The following FAM210A variants were observed in gnomAD, a reference collection of about 807,000 sequenced individuals.
FAM210A encodes mitochondrial inner membrane scaffold 1, also known as family with sequence similarity 210 member A.
FAM210A carries 13 observed loss-of-function variants against 25.3 expected under a neutral mutation model. The ratio of observed to expected loss-of-function variants is 0.51; its 90% CI spans 0.33 to 0.82. The LOEUF (loss-of-function observed/expected upper bound fraction) is 0.82, where lower values mean the gene tolerates loss of function less well. FAM210A is among the 40% of genes least tolerant of loss of function. The pLI, the probability that FAM210A is intolerant of heterozygous loss-of-function variation, is 0.02. For missense variants in FAM210A, 319 were observed against 323.2 expected (o/e 0.99, Z 0.10); for synonymous variants, 125 against 118.7 (o/e 1.05, Z -0.35).
At chr18:13,693,926 A>G (rs555250311) in intron 1 of FAM210A, among the ~76,000 whole-genome samples, 1 of 152,304 alleles carries the variant, frequency 6.6e-6, no homozygotes, top group East Asian at 1.9e-4. Flanking sequence ...CAATTAGGAA[A>G]AGAGGAAGTT....
chr18:13,711,087 C>T (rs1010737455), intron 1 of FAM210A, among the ~76,000 whole-genome samples: 2 of 152,066 alleles, frequency 1.3e-5, no homozygotes, highest in Non-Finnish European at 2.9e-5. Context: ...AAACAACAGC[C>T]TTGGCCTGGC....
At chr18:13,721,769 A>C (rs1169835004) in intron 1 of FAM210A, among the ~76,000 whole-genome samples, 2 of 152,154 alleles carry the variant, frequency 1.3e-5, no homozygotes, top group Non-Finnish European at 2.9e-5. Context: ...AACCTCAACA[A>C]GTCCCTACTC....
chr18:13,696,184 C>T (rs896220443), intron 1 of FAM210A, among the ~76,000 whole-genome samples: 6 of 152,022 alleles, frequency 3.9e-5, no homozygotes, highest in Admixed American at 2.0e-4. Context: ...CAATAATATC[C>T]GAATCAAAAT....
At chr18:13,679,451 A>G (rs2043531551) in intron 2 of FAM210A, among the ~76,000 whole-genome samples, 2 of 152,120 alleles carry the variant, frequency 1.3e-5, no homozygotes, top group South Asian at 2.1e-4. Flanking sequence ...TTTTTCTTTC[A>G]TTCATGAATT....
At chr18:13,717,987 G>C (rs8093608) in intron 1 of FAM210A, among the ~76,000 whole-genome samples, 3,075 of 152,198 alleles carry the variant, frequency 0.02, 114 homozygotes, top group African/African-American at 0.07. Context: ...AGAAGACAGC[G>C]CCCTCACTCA....
At chr18:13,672,060 AATTTT>A in intron 2 of FAM210A, 87 bp from the exon 3 acceptor site, 1 of 873,700 alleles carries the variant, frequency 1.1e-6, no homozygotes, top group Non-Finnish European at 1.7e-6. Flanking sequence ...ACCACACTAT[AATTTT>A]ATTAAATTTT....
At chr18:13,723,872 T>C (rs2149073108) in intron 1 of FAM210A, among the ~76,000 whole-genome samples, 1 of 152,356 alleles carries the variant, frequency 6.6e-6, no homozygotes, top group East Asian at 1.9e-4. Context: ...TAGGAACACT[T>C]TCCTGAGTGG....
chr18:13,723,805 G>A (rs952415429), intron 1 of FAM210A, among the ~76,000 whole-genome samples: 31 of 152,134 alleles, frequency 2.0e-4, no homozygotes, highest in Non-Finnish European at 2.9e-5. Context: ...TCAACTGAAG[G>A]AAAAACCTTT....
intron 1 of FAM210A, among the ~76,000 whole-genome samples, chr18:13,717,071 T>C (rs2043866793): frequency 6.6e-6 from 1 of 152,172 alleles, no homozygotes; most frequent in South Asian, 2.1e-4. Flanking sequence ...TTCTGTTACT[T>C]GCAGCTGAAA....
At chr18:13,689,132 G>A (rs1048983438) in intron 1 of FAM210A, among the ~76,000 whole-genome samples, 1 of 152,186 alleles carries the variant, frequency 6.6e-6, no homozygotes, top group Non-Finnish European at 1.5e-5. Flanking sequence ...TCCTTCAGAG[G>A]TTCACCTTAT....
chr18:13,713,527 G>C (rs2043836999), intron 1 of FAM210A, among the ~76,000 whole-genome samples: 1 of 152,010 alleles, frequency 6.6e-6, no homozygotes, highest in Non-Finnish European at 1.5e-5. Context: ...ATTTAAACAT[G>C]TGAATTAACA....
intron 1 of FAM210A, among the ~76,000 whole-genome samples, chr18:13,707,308 CA>C (rs2043786245): frequency 6.6e-6 from 1 of 152,170 alleles, no homozygotes; most frequent in African/African-American, 2.4e-5. Context: ...CACTAGGCCC[CA>C]ACAGACCAAA....
At chr18:13,679,691 C>G (rs1338805744) in intron 2 of FAM210A, among the ~76,000 whole-genome samples, 1 of 152,030 alleles carries the variant, frequency 6.6e-6, no homozygotes, top group African/African-American at 2.4e-5. Context: ...AGCCCCAAAG[C>G]AAGGTGTAAT....
chr18:13,666,707 T>C lies in FAM210A; in HGVS notation c.592A>G (p.Thr198Ala). The change falls in exon 4 of 4, where the codon ACA becomes GCA. Residue 198 changes from threonine (T) to alanine (A), a missense_variant. Physicochemically the swap from Thr to Ala is moderately conservative, Grantham distance 58. Transcript: ENST00000651643. The stretch of plus-strand genomic sequence containing the variant: ...AAAGTCACGGTATACCGAGCAGGTG[T>C]TGCAATCTTAAGCAAAAAGCAAACA... ...LTAYALFKIA[T>A]PARYTVTLGG... The C allele has an allele frequency of 6.2e-7, 1 of 1,611,404 alleles. No individual in the cohort carries two copies. Among genetic ancestry groups the C allele is most frequent in the Non-Finnish European group, 8.5e-7 (1 of 1,178,066 alleles).
chr18:13,700,795 T>G (rs969503136), intron 1 of FAM210A, among the ~76,000 whole-genome samples: 1 of 152,206 alleles, frequency 6.6e-6, no homozygotes, highest in Non-Finnish European at 1.5e-5. Flanking sequence ...CTTAGGAGTA[T>G]GCACCTGTAC....
chr18:13,714,825 G>C (rs2043847577), intron 1 of FAM210A, among the ~76,000 whole-genome samples: 2 of 152,004 alleles, frequency 1.3e-5, no homozygotes, highest in South Asian at 4.1e-4. Context: ...CATTATCTTG[G>C]GGGATTTAAC....
At chr18:13,689,943 C>T (rs140692110) in intron 1 of FAM210A, among the ~76,000 whole-genome samples, 8 of 152,194 alleles carry the variant, frequency 5.3e-5, no homozygotes, top group East Asian at 3.9e-4. Flanking sequence ...GTGCAGCCCA[C>T]GGAACAGGGC....
intron 1 of FAM210A, among the ~76,000 whole-genome samples, chr18:13,720,319 G>A (rs2043888955): frequency 1.3e-5 from 2 of 152,146 alleles, no homozygotes; most frequent in South Asian, 4.1e-4. Flanking sequence ...ACAGCAGCCT[G>A]TACCTGTTGT....
chr18:13,694,513 AC>A (rs1241072114), intron 1 of FAM210A, among the ~76,000 whole-genome samples: 1 of 152,228 alleles, frequency 6.6e-6, no homozygotes, highest in Non-Finnish European at 1.5e-5. Flanking sequence ...TGGTACCAAA[AC>A]AGAGATATTG....
Sources: gnomAD v4.1 joint callset for allele counts (sites outside exome capture counted in the v4.1 genomes callset) on GRCh38, gnomAD v4.1.1 for gene constraint, MANE v1.5 for transcripts, NCBI Gene and HGNC (gene_info 2026-07-23, HGNC 2026-07-21) for gene names.